Variants in NEK11 observed in about 807,000 individuals in gnomAD.
The protein encoded by NEK11 is NIMA related kinase 11.
In NEK11, 72 loss-of-function variants were observed where a neutral mutation model predicts 80.7. That is an observed-to-expected ratio of 0.89 (90% CI 0.74 to 1.08). NEK11 has a LOEUF of 1.08. Ranked by LOEUF, NEK11 falls within the 50% of genes least tolerant of loss-of-function variation. NEK11 has a pLI of 0.00. For missense variants in NEK11, 764 were observed against 763.6 expected (o/e 1.00, Z -0.01); for synonymous variants, 251 against 260.7 (o/e 0.96, Z 0.36).
At chr3:131,088,823 C>A (rs1215066610) in intron 4 of NEK11, among the ~76,000 whole-genome samples, 3 of 151,928 alleles carry the variant, frequency 2.0e-5, no homozygotes, top group Non-Finnish European at 4.4e-5. Flanking sequence ...TGGTTTTTTT[C>A]TTGTTTTGCT....
intron 5 of NEK11, among the ~76,000 whole-genome samples, chr3:131,127,198 C>T (rs1050449199): frequency 6.6e-5 from 10 of 152,050 alleles, no homozygotes; most frequent in African/African-American, 2.4e-4. Context: ...CTCCTGACCT[C>T]AGGTGATCCA....
At chr3:131,284,194 A>G (rs1561368170) in intron 17 of NEK11, among the ~76,000 whole-genome samples, 1 of 152,148 alleles carries the variant, frequency 6.6e-6, no homozygotes, top group Non-Finnish European at 1.5e-5. Flanking sequence ...CCTGAAATGG[A>G]CCTGTTGTAT....
At chr3:131,255,312 G>A (rs2095796694) in intron 16 of NEK11, among the ~76,000 whole-genome samples, 1 of 152,102 alleles carries the variant, frequency 6.6e-6, no homozygotes. Flanking sequence ...AACAGTTACT[G>A]TAGTAACATG....
intron 3 of NEK11, among the ~76,000 whole-genome samples, chr3:131,072,014 C>T (rs974123228): frequency 3.3e-5 from 5 of 152,170 alleles, no homozygotes; most frequent in African/African-American, 1.2e-4. Flanking sequence ...GTACTACATT[C>T]TCTACCCCTG....
intron 14 of NEK11, among the ~76,000 whole-genome samples, chr3:131,204,670 T>G (rs376246391): frequency 6.7e-6 from 1 of 150,342 alleles, no homozygotes; most frequent in African/African-American, 2.4e-5. Flanking sequence ...GGTTTGAGGT[T>G]TTTTTTTTTA....
chr3:131,159,000 G>C (rs527963898), intron 10 of NEK11, among the ~76,000 whole-genome samples: 6 of 152,308 alleles, frequency 3.9e-5, no homozygotes, highest in Non-Finnish European at 8.8e-5. Context: ...CAGAGTTAGA[G>C]CACACAGCCC....
At chr3:131,128,109 T>C (rs2083688237) in intron 5 of NEK11, among the ~76,000 whole-genome samples, 2 of 152,208 alleles carry the variant, frequency 1.3e-5, no homozygotes. Flanking sequence ...TCCCCTGTTA[T>C]CAGCATTGCT....
chr3:131,057,509 G>A (rs1266769716), intron 3 of NEK11, among the ~76,000 whole-genome samples: 4 of 151,218 alleles, frequency 2.6e-5, no homozygotes, highest in Non-Finnish European at 3.0e-5. Context: ...CACCAACAGT[G>A]TAAAAGTGTT....
intron 15 of NEK11, among the ~76,000 whole-genome samples, chr3:131,242,099 C>T (rs554789520): frequency 6.6e-6 from 1 of 152,154 alleles, no homozygotes; most frequent in East Asian, 1.9e-4. Flanking sequence ...GAACAGCTAC[C>T]ATTCCTCCAT....
intron 14 of NEK11, among the ~76,000 whole-genome samples, chr3:131,221,098 A>G (rs1053670273): frequency 1.3e-5 from 2 of 152,088 alleles, no homozygotes; most frequent in African/African-American, 4.8e-5. Flanking sequence ...ATTATGTGGC[A>G]ATTTGAAAGT....
intron 17 of NEK11, among the ~76,000 whole-genome samples, chr3:131,348,440 T>C (rs1050525618): frequency 6.6e-5 from 10 of 151,936 alleles, no homozygotes; most frequent in African/African-American, 2.4e-4. Flanking sequence ...AGGAGCCTGG[T>C]ATAAGATGAT....
intron 14 of NEK11, 149 bp downstream of exon 14, chr3:131,171,036 G>T: frequency 1.5e-6 from 1 of 686,870 alleles, no homozygotes; most frequent in South Asian, 1.6e-5. Flanking sequence ...CTATGACCAG[G>T]ATGAAAAGTA....
chr3:131,258,971 T>C (rs929375610), intron 16 of NEK11, among the ~76,000 whole-genome samples: 4 of 152,156 alleles, frequency 2.6e-5, no homozygotes, highest in African/African-American at 9.7e-5. Flanking sequence ...TTGGGTCTTT[T>C]GTAGCAATAA....
At chr3:131,255,218 A>G (rs2095795471) in intron 16 of NEK11, among the ~76,000 whole-genome samples, 1 of 152,160 alleles carries the variant, frequency 6.6e-6, no homozygotes, top group Admixed American at 6.6e-5. Context: ...AGATATGGAG[A>G]CAGAATTTTC....
intron 14 of NEK11, among the ~76,000 whole-genome samples, chr3:131,196,750 C>G (rs977187298): frequency 6.6e-6 from 1 of 151,828 alleles, no homozygotes; most frequent in African/African-American, 2.4e-5. Flanking sequence ...CCAGGCTGGT[C>G]TCGAACTCTT....
chr3:131,048,928 C>G (rs2067882543), intron 3 of NEK11, among the ~76,000 whole-genome samples: 1 of 152,180 alleles, frequency 6.6e-6, no homozygotes, highest in Non-Finnish European at 1.5e-5. Flanking sequence ...CTTCTGAGCT[C>G]TTGCATTGAG....
At chr3:131,341,420 A>T (rs2097284097) in intron 17 of NEK11, among the ~76,000 whole-genome samples, 1 of 152,196 alleles carries the variant, frequency 6.6e-6, no homozygotes, top group African/African-American at 2.4e-5. Context: ...ATTATTCAGC[A>T]TTTATTGAGG....
intron 17 of NEK11, among the ~76,000 whole-genome samples, chr3:131,282,949 T>C (rs2096419288): frequency 6.6e-6 from 1 of 152,174 alleles, no homozygotes; most frequent in African/African-American, 2.4e-5. Context: ...AAACTAACTT[T>C]CAATGCATGC....
intron 17 of NEK11, among the ~76,000 whole-genome samples, chr3:131,277,383 G>A (rs147918306): frequency 6.6e-6 from 1 of 152,222 alleles, no homozygotes; most frequent in African/African-American, 2.4e-5. Flanking sequence ...TCAAGCTCAG[G>A]ATTTCCAAAA....
Sources: gnomAD v4.1 joint callset for allele counts (sites outside exome capture counted in the v4.1 genomes callset) on GRCh38, gnomAD v4.1.1 for gene constraint, MANE v1.5 for transcripts, NCBI Gene and HGNC (gene_info 2026-07-23, HGNC 2026-07-21) for gene names.